Variants in SLC9C2 observed in about 807,000 individuals in gnomAD.
SLC9C2 encodes the protein sodium/hydrogen exchanger 11.
SLC9C2 carries 75 observed loss-of-function variants against 140.2 expected under a neutral mutation model. The observed-to-expected ratio is 0.53, with a 90% CI of 0.44 to 0.65. SLC9C2 has a LOEUF of 0.65. Ranked by LOEUF, SLC9C2 falls within the 30% of genes least tolerant of loss-of-function variation. The pLI is 0.00. For missense variants in SLC9C2, 1,074 were observed against 1,331.8 expected (o/e 0.81, Z 3.01); for synonymous variants, 375 against 420.9 (o/e 0.89, Z 1.34).
At chr1:173,507,947 G>C (rs1659774495) in intron 24 of SLC9C2, among the ~76,000 whole-genome samples, 1 of 152,078 alleles carries the variant, frequency 6.6e-6, no homozygotes, top group Non-Finnish European at 1.5e-5. Context: ...TTAGAGATCA[G>C]CCCAACAGTA....
chr1:173,552,754 G>C (rs983938651), intron 11 of SLC9C2, among the ~76,000 whole-genome samples: 1 of 152,222 alleles, frequency 6.6e-6, no homozygotes, highest in Non-Finnish European at 1.5e-5. Context: ...CAAGAGCTCT[G>C]ATGGAGATGG....
intron 17 of SLC9C2, among the ~76,000 whole-genome samples, chr1:173,532,402 T>C (rs1220794165): frequency 6.6e-6 from 1 of 152,084 alleles, no homozygotes; most frequent in African/African-American, 2.4e-5. Context: ...TGCAACTCCA[T>C]TGGAAAGAGA....
intron 4 of SLC9C2, among the ~76,000 whole-genome samples, chr1:173,590,539 T>C (rs578064795): frequency 6.6e-6 from 1 of 152,298 alleles, no homozygotes; most frequent in South Asian, 2.1e-4. Flanking sequence ...ATGATAATGT[T>C]TAATTTATAA....
At chr1:173,555,128 T>G in intron 10 of SLC9C2, 1 of 189,880 alleles carries the variant, frequency 5.3e-6, no homozygotes, top group Non-Finnish European at 1.1e-5. Context: ...AGCACGGTGG[T>G]AGCCATCTCA....
chr1:173,540,436 A>G (rs1662300881), intron 13 of SLC9C2, among the ~76,000 whole-genome samples: 1 of 152,232 alleles, frequency 6.6e-6, no homozygotes, highest in African/African-American at 2.4e-5. Flanking sequence ...ATCAGTATCA[A>G]TTGTGGAGAG....
Position 173,573,228 on chromosome 1 carries a change from T to C in SLC9C2, c.1000A>G (p.Thr334Ala). ...AATAAAATGAATATGAAAGGTATAG[T>C]GTGAAATTCATAGTGGCTGAGTTCT... Reference protein sequence around the residue: ...CGELSHYEFHTIPFIFILFTT... With the variant: ...CGELSHYEFHAIPFIFILFTT... Residue 334 changes from threonine to alanine, a missense_variant, in exon 9 of 28, where the codon ACT becomes GCT. Coordinates refer to ENST00000367714, the MANE Select transcript of SLC9C2 (RefSeq NM_178527.4). 1 of 1,579,408 alleles carries C rather than the reference T, an allele frequency of 6.3e-7. No homozygotes were observed. Among genetic ancestry groups the C allele is most frequent in the Non-Finnish European group, 8.7e-7 (1 of 1,149,790 alleles).
intron 11 of SLC9C2, among the ~76,000 whole-genome samples, chr1:173,551,964 G>GA (rs567695302): frequency 9.3e-5 from 14 of 150,996 alleles, no homozygotes; most frequent in Admixed American, 7.3e-4. Context: ...GTTGTGAGTG[G>GA]AAAAAAAAAT....
chr1:173,507,723 C>T lies in SLC9C2; in HGVS notation c.3040-682G>A, dbSNP rs1037105818. Among the ~76,000 whole-genome samples, 23 of 152,226 alleles carry T rather than the reference C, an allele frequency of 1.5e-4. No homozygotes were observed. In the East Asian group the frequency reaches 4.3e-3, roughly 28 times the overall value. On this transcript the variant is annotated intron_variant, in intron 24 of 27. Coordinates refer to ENST00000367714, the MANE Select transcript of SLC9C2 (RefSeq NM_178527.4). Reference sequence around the variant, plus strand: ...GACGCAGACTTGCACACAGGGAGAACGCCACGTGAATATAAAGGCAGCCAT... The same window carrying T: ...GACGCAGACTTGCACACAGGGAGAATGCCACGTGAATATAAAGGCAGCCAT...
intron 26 of SLC9C2, among the ~76,000 whole-genome samples, chr1:173,504,954 G>A (rs546744330): frequency 7.9e-5 from 12 of 152,268 alleles, no homozygotes; most frequent in Non-Finnish European, 1.2e-4. Flanking sequence ...AGCACCATGT[G>A]GCTGCAGCCT....
chr1:173,555,605 C>T (rs1202719079), intron 10 of SLC9C2, among the ~76,000 whole-genome samples: 2 of 152,160 alleles, frequency 1.3e-5, no homozygotes, highest in East Asian at 3.9e-4. Context: ...TAGTTAACTT[C>T]TCATTGACTT....
intron 9 of SLC9C2, among the ~76,000 whole-genome samples, chr1:173,564,352 T>G (rs1009308341): frequency 1.3e-5 from 2 of 152,248 alleles, no homozygotes; most frequent in East Asian, 3.8e-4. Flanking sequence ...CTCCACATCC[T>G]TACCATCATT....
chr1:173,536,955 A>G lies in SLC9C2; in HGVS notation c.1642T>C (p.Ser548Pro). Residue 548 changes from serine to proline, a missense_variant, in exon 14 of 28, where the codon TCC becomes CCC. Coordinates refer to ENST00000367714, the MANE Select transcript of SLC9C2 (RefSeq NM_178527.4). Reference protein sequence around the residue: ...ILIGAAKCYYSIQGKFMSIYD... With the variant: ...ILIGAAKCYYPIQGKFMSIYD... ...TGTTATACTTACTTTCCTTGGATGG[A>G]GTAATAGCATTTTGCTGCACCAATT... is the stretch of plus-strand genomic sequence containing the variant. The G allele has an allele frequency of 6.2e-7, 1 of 1,612,722 alleles. No individual in the cohort carries two copies. The highest frequency in any genetic ancestry group is 1.1e-5 in the South Asian group (1 of 90,998).
intron 9 of SLC9C2, 74 bp downstream of exon 9, chr1:173,573,108 C>T: frequency 9.8e-6 from 11 of 1,126,454 alleles, no homozygotes; most frequent in Non-Finnish European, 1.4e-5. Flanking sequence ...TTGCTGTATG[C>T]CACTGCTTCC....
intron 6 of SLC9C2, among the ~76,000 whole-genome samples, chr1:173,582,739 G>C (rs950998601): frequency 6.6e-6 from 1 of 152,052 alleles, no homozygotes; most frequent in Non-Finnish European, 1.5e-5. Flanking sequence ...ACCTAGCAAG[G>C]CAACAGCTTC....
chr1:173,520,760 A>C (rs1159813313), intron 22 of SLC9C2, among the ~76,000 whole-genome samples: 1 of 152,206 alleles, frequency 6.6e-6, no homozygotes, highest in Non-Finnish European at 1.5e-5. Context: ...TATTTTTGCC[A>C]TATTAAGGAT....
chr1:173,530,178 A>T (rs1222920065), intron 17 of SLC9C2, 124 bp from the exon 18 acceptor site: 3 of 832,612 alleles, frequency 3.6e-6, no homozygotes, highest in Non-Finnish European at 5.4e-6. Context: ...ACTTGTTAGG[A>T]ATGCAAAATC....
Position 173,521,387 on chromosome 1 carries a change from G to T in SLC9C2, c.2653C>A (p.Leu885Ile). 1.3e-6 allele frequency: 2 copies of T among 1,499,836 alleles called. No individual in the cohort carries two copies. The highest frequency in any genetic ancestry group is 1.8e-6 in the Non-Finnish European group (2 of 1,129,270). 92.9% of individuals were successfully genotyped at this position (1,499,836 alleles called of 1,614,324 possible). ...GTATCTCCAGAGTCAAAACAGGCAA[G>T]TTTGGCTCTTTCCTGAGTGGGAAAA... ...LIDFFKERAK[L>I]ACFDSGDTIC... Residue 885 changes from leucine to isoleucine, a missense_variant, in exon 22 of 28, where the codon CTT becomes ATT. Coordinates refer to ENST00000367714, the MANE Select transcript of SLC9C2 (RefSeq NM_178527.4).
chr1:173,545,296 G>A (rs1336135951), intron 13 of SLC9C2, among the ~76,000 whole-genome samples: 2 of 152,162 alleles, frequency 1.3e-5, no homozygotes, highest in South Asian at 2.1e-4. Flanking sequence ...AAAAAGGGAC[G>A]GAGACAGTTC....
intron 13 of SLC9C2, among the ~76,000 whole-genome samples, chr1:173,539,783 A>G (rs1390700306): frequency 6.6e-6 from 1 of 152,184 alleles, no homozygotes; most frequent in Non-Finnish European, 1.5e-5. Context: ...TAAACACAGG[A>G]AGAATGCCAG....
Sources: gnomAD v4.1 joint callset for allele counts (sites outside exome capture counted in the v4.1 genomes callset) on GRCh38, gnomAD v4.1.1 for gene constraint, MANE v1.5 for transcripts, NCBI Gene and HGNC (gene_info 2026-07-23, HGNC 2026-07-21) for gene names.